The following GLIS3 variants were observed in gnomAD, a reference collection of about 807,000 sequenced individuals.
GLIS3 encodes GLIS family zinc finger 3, also known as zinc finger protein GLIS3.
GLIS3 carries 53 observed loss-of-function variants against 78.6 expected under a neutral mutation model. The ratio of observed to expected loss-of-function variants is 0.67; its 90% CI spans 0.54 to 0.85. The LOEUF (loss-of-function observed/expected upper bound fraction) is 0.85, where lower values mean the gene tolerates loss of function less well. GLIS3 is among the 40% of genes least tolerant of loss of function. The pLI is 0.00. For synonymous variants in GLIS3, 684 were observed against 509.9 expected, an observed-to-expected ratio of 1.34 and a Z score of -4.60; for missense variants, 1,703 against 1,231.1, an observed-to-expected ratio of 1.38 and a Z score of -5.74.
chr9:4,282,997 G>C (rs769165171), intron 2 of GLIS3, among the ~76,000 whole-genome samples: 1 of 151,960 alleles, frequency 6.6e-6, no homozygotes, highest in Non-Finnish European at 1.5e-5. Flanking sequence ...ACATGCACCA[G>C]GATTTCTTCC....
chr9:4,200,785 C>T (rs1029838284), intron 2 of GLIS3, among the ~76,000 whole-genome samples: 3 of 152,078 alleles, frequency 2.0e-5, no homozygotes, highest in South Asian at 2.1e-4. Context: ...ATAATCCTAC[C>T]GAAATTATCC....
At chr9:4,091,803 G>A (rs1053855717) in intron 4 of GLIS3, among the ~76,000 whole-genome samples, 3 of 152,042 alleles carry the variant, frequency 2.0e-5, no homozygotes, top group Non-Finnish European at 2.9e-5. Flanking sequence ...ACCCAGTCTC[G>A]GGCAGTTCTT....
chr9:4,077,280 C>A (rs11999587), intron 4 of GLIS3, among the ~76,000 whole-genome samples: 2 of 152,114 alleles, frequency 1.3e-5, no homozygotes, highest in African/African-American at 2.4e-5. Flanking sequence ...ATTGTTAATA[C>A]AGAAAGTATG....
At chr9:4,442,424 A>G in the GLIS3 span, among the ~76,000 whole-genome samples, 2 of 152,058 alleles carry the variant, frequency 1.3e-5, no homozygotes, top group Non-Finnish European at 2.9e-5. Flanking sequence ...CCCACCCCCT[A>G]AAGAATTTCA....
the GLIS3 span, among the ~76,000 whole-genome samples, chr9:4,459,253 A>C: frequency 1.3e-5 from 2 of 152,244 alleles, no homozygotes; most frequent in African/African-American, 4.8e-5. Flanking sequence ...TCAGCATTAT[A>C]TGCTGAAGTA....
the GLIS3 span, among the ~76,000 whole-genome samples, chr9:4,357,755 C>A: frequency 6.6e-6 from 1 of 152,100 alleles, no homozygotes. Flanking sequence ...GGAATTTATC[C>A]TACAGAAATA....
chr9:4,340,736 C>G (rs557170952), intron 2 of GLIS3, among the ~76,000 whole-genome samples: 1 of 152,148 alleles, frequency 6.6e-6, no homozygotes, highest in Non-Finnish European at 1.5e-5. Context: ...TCACCCATCA[C>G]CCAGGCTGGA....
intron 6 of GLIS3, among the ~76,000 whole-genome samples, chr9:3,908,030 G>A (rs767719154): frequency 3.9e-5 from 6 of 152,200 alleles, no homozygotes; most frequent in Non-Finnish European, 8.8e-5. Flanking sequence ...TGAAAGTGGG[G>A]TGTTCTGAAC....
At chr9:4,125,340 C>T (rs1234509005) in intron 3 of GLIS3, among the ~76,000 whole-genome samples, 2 of 152,146 alleles carry the variant, frequency 1.3e-5, no homozygotes, top group Non-Finnish European at 2.9e-5. Context: ...TGCCTGGAAA[C>T]TCTGCATCAT....
intron 2 of GLIS3, among the ~76,000 whole-genome samples, chr9:4,255,189 T>TA (rs1824804752): frequency 6.6e-6 from 1 of 152,206 alleles, no homozygotes. Context: ...CATGACTACC[T>TA]AAATTCAGAA....
At chr9:4,442,761 C>T in the GLIS3 span, among the ~76,000 whole-genome samples, 1 of 151,998 alleles carries the variant, frequency 6.6e-6, no homozygotes, top group Non-Finnish European at 1.5e-5. Flanking sequence ...TACATGTTTA[C>T]AGTTATTAAA....
At chr9:4,456,658 A>G in the GLIS3 span, among the ~76,000 whole-genome samples, 2 of 152,154 alleles carry the variant, frequency 1.3e-5, no homozygotes, top group Non-Finnish European at 2.9e-5. Context: ...AATCTTTTCC[A>G]GCTTTTAATT....
At chr9:4,426,003 G>A in the GLIS3 span, among the ~76,000 whole-genome samples, 1 of 152,136 alleles carries the variant, frequency 6.6e-6, no homozygotes, top group African/African-American at 2.4e-5. Flanking sequence ...GAGAAACTGA[G>A]GCATCTTATG....
chr9:4,469,145 A>G, the GLIS3 span, among the ~76,000 whole-genome samples: 1 of 152,252 alleles, frequency 6.6e-6, no homozygotes, highest in Non-Finnish European at 1.5e-5. Flanking sequence ...GCAAGTCCTT[A>G]GAGACCTAGA....
chr9:4,038,257 A>G (rs601370), intron 4 of GLIS3, among the ~76,000 whole-genome samples: 50,501 of 151,646 alleles, frequency 0.33, 9,435 homozygotes, highest in East Asian at 0.55. Flanking sequence ...TCCCATGATT[A>G]ACTACTTCTT....
intron 3 of GLIS3, among the ~76,000 whole-genome samples, chr9:4,121,132 G>A (rs972774493): frequency 6.6e-6 from 1 of 152,158 alleles, no homozygotes; most frequent in Non-Finnish European, 1.5e-5. Flanking sequence ...CACCTAATGA[G>A]AACAAAACTT....
chr9:4,442,149 A>C, the GLIS3 span, among the ~76,000 whole-genome samples: 1 of 152,016 alleles, frequency 6.6e-6, no homozygotes, highest in Non-Finnish European at 1.5e-5. Flanking sequence ...GGCTGTTCAA[A>C]TTTTCTATTT....
Position 3,829,385 on chromosome 9 carries a change from G to C in GLIS3, c.2581C>G (p.Leu861Val). The C allele has an allele frequency of 3.1e-6, 5 of 1,614,054 alleles. No individual in the cohort carries two copies. The highest frequency in any genetic ancestry group is 4.2e-6 in the Non-Finnish European group (5 of 1,179,934). Residue 861 changes from leucine (L) to valine (V), a missense_variant, in exon 10 of 11, where the codon CTA (leucine) becomes GTA (valine). Coordinates refer to ENST00000381971, the MANE Select transcript of GLIS3 (RefSeq NM_001042413.2). ...CSVVPSFEDC[L>V]VPTSMGQASF... ...GCCTGGCCCATGGATGTAGGGACTA[G>C]GCAGTCCTCAAACGAAGGCACCACA...
chr9:4,046,505 T>C (rs1056233403), intron 4 of GLIS3, among the ~76,000 whole-genome samples: 2 of 152,196 alleles, frequency 1.3e-5, no homozygotes, highest in African/African-American at 4.8e-5. Flanking sequence ...AGAAATGCTC[T>C]GTGTTCATCA....
Sources: gnomAD v4.1 joint callset for allele counts (sites outside exome capture counted in the v4.1 genomes callset) on GRCh38, gnomAD v4.1.1 for gene constraint, MANE v1.5 for transcripts, NCBI Gene and HGNC (gene_info 2026-07-23, HGNC 2026-07-21) for gene names.